Variants in CCDC3 observed in about 807,000 individuals in gnomAD.
The protein encoded by CCDC3 is coiled-coil domain-containing protein 3.
In CCDC3, 24 loss-of-function variants were observed where a neutral mutation model predicts 21.4. That is an observed-to-expected ratio of 1.12 (90% CI 0.81 to 1.58). The LOEUF (loss-of-function observed/expected upper bound fraction) is 1.58. Ranked by LOEUF, CCDC3 falls within the 40% of genes most tolerant of loss-of-function variation. The pLI is 0.00. For missense variants in CCDC3, 425 were observed against 360.9 expected (o/e 1.18, Z -1.44); for synonymous variants, 186 against 166.0 (o/e 1.12, Z -0.93).
At chr10:12,947,288 C>T (rs1354384162) in intron 2 of CCDC3, among the ~76,000 whole-genome samples, 1 of 152,110 alleles carries the variant, frequency 6.6e-6, no homozygotes, top group Non-Finnish European at 1.5e-5. Context: ...GCTGAGATTA[C>T]AGGCGCCCAC....
At chr10:12,958,204 A>G (rs1323671163) in intron 2 of CCDC3, among the ~76,000 whole-genome samples, 1 of 152,082 alleles carries the variant, frequency 6.6e-6, no homozygotes, top group African/African-American at 2.4e-5. Flanking sequence ...ATACAAAAGT[A>G]AACAAACAAA....
intron 5 of CCDC3, among the ~76,000 whole-genome samples, chr10:13,023,739 A>G (rs668043): frequency 0.85 from 128,472 of 152,024 alleles, 54,921 homozygotes; most frequent in Non-Finnish European, 0.91. Flanking sequence ...CAAAGCATCC[A>G]AGGTCTTGTC....
chr10:13,023,762 CATGTA>C (rs1313833910), intron 5 of CCDC3, among the ~76,000 whole-genome samples: 38 of 152,116 alleles, frequency 2.5e-4, no homozygotes, highest in Non-Finnish European at 1.5e-4. Flanking sequence ...ATTATGATAT[CATGTA>C]CAGAATCTCA....
intron 2 of CCDC3, among the ~76,000 whole-genome samples, chr10:12,982,923 G>T (rs547714134): frequency 1.1e-3 from 160 of 149,744 alleles, no homozygotes; most frequent in Middle Eastern, 7.1e-3. Context: ...GACCAGCCTG[G>T]CCAACATCGT....
chr10:13,091,855 G>T (rs1230712808), intron 3 of CCDC3, among the ~76,000 whole-genome samples: 2 of 11,790 alleles, frequency 1.7e-4, no homozygotes, highest in Non-Finnish European at 0.016. Context: ...CTCCTTGCTG[G>T]CAGATCCTGA....
rs143266507 is a variant in CCDC3 at position 13,006,933 on chromosome 10, G to T, written c.-1-8421C>A. ...GTTGCCCACATATTTACTTTCAAGA[G>T]ACATCATGATCAACTATCCACTGTC... is the stretch of plus-strand genomic sequence containing the variant. On this transcript the variant is annotated intron_variant, in intron 5 of 6. Transcript: ENST00000378839. Among the ~76,000 whole-genome samples the T allele has an allele frequency of 1.4e-4, 21 of 152,270 alleles. No homozygotes were observed. The Middle Eastern group carries it at 0.01, about 74-fold the overall frequency.
At chr10:13,075,796 C>T (rs1217638304) in intron 3 of CCDC3, among the ~76,000 whole-genome samples, 2 of 152,164 alleles carry the variant, frequency 1.3e-5, no homozygotes, top group Non-Finnish European at 2.9e-5. Context: ...CACCTGTAAT[C>T]CCAGCACTTT....
At chr10:12,902,633 T>G (rs1888658) in intron 2 of CCDC3, among the ~76,000 whole-genome samples, 110,855 of 152,034 alleles carry the variant, frequency 0.73, 40,757 homozygotes, top group Admixed American at 0.78. Context: ...CAAAGAAGAG[T>G]TGAAGGCAGG....
At chr10:12,922,207 A>C (rs1834462253) in intron 2 of CCDC3, among the ~76,000 whole-genome samples, 1 of 152,158 alleles carries the variant, frequency 6.6e-6, no homozygotes, top group Non-Finnish European at 1.5e-5. Context: ...TTGCTCTCTT[A>C]CATGAGTGCC....
chr10:13,039,181 C>T lies in CCDC3; in HGVS notation c.-2+10493G>A, dbSNP rs150726238. 5.9e-4 allele frequency among the ~76,000 whole-genome samples: 89 copies of T among 152,132 alleles called. 3 individuals carry two copies. The East Asian group carries it at 0.01, about 17-fold the overall frequency. Reference sequence around the variant, plus strand: ...CTGTAATCCCAGCACTTTGGGAGGCCGAGGCGGGCAGATCTCCTGAAGTCA... The same window carrying T: ...CTGTAATCCCAGCACTTTGGGAGGCTGAGGCGGGCAGATCTCCTGAAGTCA... On this transcript the variant is annotated intron_variant, in intron 5 of 6. Coordinates refer to the CCDC3 transcript ENST00000378839.
intron 1 of CCDC3, 135 bp downstream of exon 1, chr10:13,001,062 G>A (rs1001198883): frequency 3.5e-6 from 4 of 1,133,686 alleles, no homozygotes; most frequent in African/African-American, 3.1e-5. Context: ...GAAGGCAAGG[G>A]GTAGGCGCCC....
chr10:12,936,036 T>G (rs114145572), intron 2 of CCDC3, among the ~76,000 whole-genome samples: 2 of 152,224 alleles, frequency 1.3e-5, no homozygotes, highest in Non-Finnish European at 2.9e-5. Flanking sequence ...TGACAGACAT[T>G]GTATCTTGAC....
intron 5 of CCDC3, among the ~76,000 whole-genome samples, chr10:13,013,916 C>G (rs905739033): frequency 1.3e-5 from 2 of 151,318 alleles, no homozygotes; most frequent in African/African-American, 2.4e-5. Context: ...TTTGGGAGGC[C>G]GAGGCAGGGG....
intron 2 of CCDC3, among the ~76,000 whole-genome samples, chr10:12,987,600 T>C (rs1348013455): frequency 1.3e-5 from 2 of 152,236 alleles, no homozygotes; most frequent in Non-Finnish European, 2.9e-5. Context: ...CTGTCTATTC[T>C]TGCATCTATC....
chr10:13,004,337 AAACCAGTTAATTC>A (rs1383529626), upstream of CCDC3, among the ~76,000 whole-genome samples: 11 of 152,156 alleles, frequency 7.2e-5, no homozygotes, highest in East Asian at 2.1e-3. Flanking sequence ...ACATGTGGTA[AAACCAGTTAATTC>A]TATGGCCTTG....
intron 2 of CCDC3, among the ~76,000 whole-genome samples, chr10:12,966,016 G>C (rs978210091): frequency 9.2e-5 from 14 of 152,158 alleles, no homozygotes; most frequent in African/African-American, 3.4e-4. Flanking sequence ...ACCATCCCAG[G>C]CATTTTCTTA....
chr10:12,957,303 A>G (rs1260719882), intron 2 of CCDC3, among the ~76,000 whole-genome samples: 1 of 152,144 alleles, frequency 6.6e-6, no homozygotes, highest in African/African-American at 2.4e-5. Context: ...TTCGGGGCCG[A>G]GCTTAGCTCT....
At chr10:13,060,732 T>C (rs1259991658) in intron 4 of CCDC3, among the ~76,000 whole-genome samples, 1 of 152,100 alleles carries the variant, frequency 6.6e-6, no homozygotes, top group Non-Finnish European at 1.5e-5. Context: ...TTTCTAACTC[T>C]TGGCCTCAAG....
chr10:12,916,304 T>C (rs903978682), intron 2 of CCDC3, among the ~76,000 whole-genome samples: 12 of 151,948 alleles, frequency 7.9e-5, no homozygotes, highest in Admixed American at 2.0e-4. Flanking sequence ...TGGTGGTGCA[T>C]GCCTGTAATC....
Sources: allele counts gnomAD v4.1 joint callset (sites outside exome capture counted in the v4.1 genomes callset), GRCh38; gene constraint gnomAD v4.1.1; transcripts MANE v1.5; gene names NCBI Gene and HGNC (gene_info 2026-07-23, HGNC 2026-07-21).